The following MAD1L1 variants were observed in gnomAD, a reference collection of about 807,000 sequenced individuals.
MAD1L1 encodes the protein mitotic spindle assembly checkpoint protein MAD1.
Under a neutral mutation model 96.9 loss-of-function variants are expected in MAD1L1, and 95 were observed. The ratio of observed to expected loss-of-function variants is 0.98; its 90% CI spans 0.83 to 1.16. The LOEUF (loss-of-function observed/expected upper bound fraction) is 1.16. Among genes scored for constraint, MAD1L1 ranks in the 50% most tolerant of loss-of-function variants. MAD1L1 has a pLI of 0.00. For missense variants in MAD1L1, 1,007 were observed against 954.4 expected (o/e 1.06, Z -0.73); for synonymous variants, 473 against 396.6 (o/e 1.19, Z -2.29).
chr7:2,030,189 G>A (rs771156190), intron 12 of MAD1L1, among the ~76,000 whole-genome samples: 53 of 152,292 alleles, frequency 3.5e-4, no homozygotes, highest in African/African-American at 9.1e-4. Context: ...GTGCATGTCC[G>A]CTACGCCCCG....
At chr7:1,887,599 G>A (rs1037300893) in intron 18 of MAD1L1, among the ~76,000 whole-genome samples, 5 of 151,280 alleles carry the variant, frequency 3.3e-5, no homozygotes, top group African/African-American at 4.9e-5. Flanking sequence ...GACCATGCAT[G>A]CGTGTATGTG....
intron 11 of MAD1L1, among the ~76,000 whole-genome samples, chr7:2,145,383 C>A (rs944942709): frequency 2.6e-5 from 4 of 152,236 alleles, no homozygotes; most frequent in African/African-American, 9.6e-5. Flanking sequence ...CCAACTCCAG[C>A]CCCAAGACCA....
chr7:1,912,080 T>C (rs925413944), intron 17 of MAD1L1, among the ~76,000 whole-genome samples: 14 of 152,264 alleles, frequency 9.2e-5, no homozygotes, highest in East Asian at 1.9e-4. Flanking sequence ...GGAGTACACA[T>C]AGCTGTCGGG....
At chr7:1,953,718 G>A (rs1432671200) in intron 16 of MAD1L1, among the ~76,000 whole-genome samples, 18 of 152,238 alleles carry the variant, frequency 1.2e-4, no homozygotes, top group African/African-American at 4.1e-4. Flanking sequence ...GTGACCAGGC[G>A]CTCGCTGCAA....
chr7:2,164,971 C>T (rs1020671943), intron 10 of MAD1L1, among the ~76,000 whole-genome samples: 2 of 152,050 alleles, frequency 1.3e-5, no homozygotes, highest in Non-Finnish European at 2.9e-5. Context: ...CATGTTGACC[C>T]GGGAGGGCCA....
intron 13 of MAD1L1, among the ~76,000 whole-genome samples, chr7:2,005,474 G>A (rs868758169): frequency 6.6e-6 from 1 of 152,136 alleles, no homozygotes; most frequent in South Asian, 2.1e-4. Flanking sequence ...GACGAATTAG[G>A]GAGGAAAAGA....
At chr7:2,168,862 G>A (rs1790568162) in intron 10 of MAD1L1, among the ~76,000 whole-genome samples, 2 of 152,244 alleles carry the variant, frequency 1.3e-5, no homozygotes, top group South Asian at 4.1e-4. Flanking sequence ...TATTCCGAGT[G>A]TGCTAAGGAG....
intron 18 of MAD1L1, among the ~76,000 whole-genome samples, chr7:1,879,995 G>C (rs1785596365): frequency 6.6e-6 from 1 of 152,112 alleles, no homozygotes; most frequent in Non-Finnish European, 1.5e-5. Context: ...CTCCCAAAGT[G>C]CTGGGATTAC....
intron 12 of MAD1L1, among the ~76,000 whole-genome samples, chr7:2,060,106 C>G (rs568978569): frequency 6.6e-6 from 1 of 151,056 alleles, no homozygotes; most frequent in Non-Finnish European, 1.5e-5. Flanking sequence ...TGCCGAGATA[C>G]GCCGAAGCCA....
intron 17 of MAD1L1, among the ~76,000 whole-genome samples, chr7:1,909,193 C>T (rs1233495970): frequency 1.3e-5 from 2 of 152,140 alleles, no homozygotes; most frequent in Non-Finnish European, 2.9e-5. Context: ...CGACGAGAGA[C>T]GACCAAGGAT....
chr7:1,857,492 T>A (rs1431597288), intron 18 of MAD1L1, among the ~76,000 whole-genome samples: 1 of 152,194 alleles, frequency 6.6e-6, no homozygotes, highest in African/African-American at 2.4e-5. Context: ...CGTGTGCAGC[T>A]GAGTTTTCAG....
intron 12 of MAD1L1, among the ~76,000 whole-genome samples, chr7:2,064,207 C>T (rs1298670826): frequency 6.6e-6 from 1 of 152,152 alleles, no homozygotes; most frequent in African/African-American, 2.4e-5. Context: ...ACACAGGACA[C>T]GAAGAGCAAC....
intron 13 of MAD1L1, among the ~76,000 whole-genome samples, chr7:2,013,915 T>C (rs567113266): frequency 6.6e-6 from 1 of 152,144 alleles, no homozygotes; most frequent in Non-Finnish European, 1.5e-5. Context: ...AGCGTCACGG[T>C]GGCCCATGGG....
chr7:2,171,815 C>T (rs968739850), intron 10 of MAD1L1, among the ~76,000 whole-genome samples: 2 of 152,242 alleles, frequency 1.3e-5, no homozygotes, highest in Non-Finnish European at 2.9e-5. Context: ...TTCCTGAGGC[C>T]TCACCGTGCC....
At chr7:2,121,695 G>C (rs1370581539) in intron 11 of MAD1L1, among the ~76,000 whole-genome samples, 1 of 152,230 alleles carries the variant, frequency 6.6e-6, no homozygotes, top group African/African-American at 2.4e-5. Context: ...CTAGAGCCTG[G>C]GGGCCAGGAG....
At chr7:2,065,472 G>T (rs1399307638) in intron 12 of MAD1L1, among the ~76,000 whole-genome samples, 1 of 152,234 alleles carries the variant, frequency 6.6e-6, no homozygotes, top group Non-Finnish European at 1.5e-5. Flanking sequence ...CTTTATGGCA[G>T]TGGGCAGATC....
At chr7:2,053,948 C>A (rs1416157202) in intron 12 of MAD1L1, among the ~76,000 whole-genome samples, 3 of 152,254 alleles carry the variant, frequency 2.0e-5, no homozygotes, top group Admixed American at 6.5e-5. Flanking sequence ...GAAATGCCCT[C>A]ATCGGGGTTT....
intron 18 of MAD1L1, among the ~76,000 whole-genome samples, chr7:1,835,274 C>T (rs1782888097): frequency 6.6e-6 from 1 of 152,226 alleles, no homozygotes; most frequent in Admixed American, 6.5e-5. Context: ...GATGTTCACT[C>T]TCACTGCTTG....
At chr7:1,901,540 G>C (rs1787243443) in intron 17 of MAD1L1, among the ~76,000 whole-genome samples, 1 of 152,226 alleles carries the variant, frequency 6.6e-6, no homozygotes, top group Non-Finnish European at 1.5e-5. Context: ...GCAGTGCATG[G>C]GCTGAGGCGA....
Sources: allele counts gnomAD v4.1 joint callset (sites outside exome capture counted in the v4.1 genomes callset), GRCh38; gene constraint gnomAD v4.1.1; transcripts MANE v1.5; gene names NCBI Gene and HGNC (gene_info 2026-07-23, HGNC 2026-07-21).